Variants in HTR1F observed in about 807,000 individuals in gnomAD.
HTR1F encodes the protein 5-hydroxytryptamine receptor 1F, also known as 5-hydroxytryptamine (serotonin) receptor 1F, G protein-coupled.
In HTR1F, 17 loss-of-function variants were observed where a neutral mutation model predicts 24.0. The ratio of observed to expected loss-of-function variants is 0.71; its 90% CI spans 0.48 to 1.06. The LOEUF (loss-of-function observed/expected upper bound fraction) is 1.06, where lower values mean the gene tolerates loss of function less well. Among genes scored for constraint, HTR1F ranks in the 50% least tolerant of loss-of-function variants. HTR1F has a pLI of 0.00. For synonymous variants in HTR1F, 186 were observed against 156.8 expected (o/e 1.19, Z -1.39); for missense variants, 391 against 427.8 (o/e 0.91, Z 0.76).
chr3:87,866,742 C>A (rs1479688898), intron 2 of HTR1F, among the ~76,000 whole-genome samples: 1 of 151,404 alleles, frequency 6.6e-6, no homozygotes, highest in Non-Finnish European at 1.5e-5. Flanking sequence ...TTTCTCTTAA[C>A]GTAGTGATTT....
chr3:87,918,694 T>C (rs1442634283), intron 2 of HTR1F, among the ~76,000 whole-genome samples: 1 of 151,904 alleles, frequency 6.6e-6, no homozygotes, highest in Non-Finnish European at 1.5e-5. Context: ...AAAGGAAAAC[T>C]ACGAAACACT....
In HTR1F at chr3:87,993,120, T is replaced by G. The variant is rs1705871110; in HGVS notation, c.*1270T>G. 1 of 166,998 alleles carries G rather than the reference T, an allele frequency of 6.0e-6. No individual in the cohort carries two copies. The highest frequency in any genetic ancestry group is 1.9e-4 in the East Asian group (1 of 5,204). The allele number at this position is 166,998 out of a possible 1,614,324, so 10.3% of individuals were successfully genotyped here. ...AGACTACCTTTGGGAAGACCTATCA[T>G]CAACCAAGATCGTTTGAAAAACAAT... is the stretch of plus-strand genomic sequence containing the variant. On this transcript the variant is annotated 3_prime_UTR_variant, in exon 3 of 3. Coordinates refer to ENST00000319595, the MANE Select transcript of HTR1F (RefSeq NM_001322209.2).
At chr3:87,929,658 T>C (rs1439998091) in intron 2 of HTR1F, among the ~76,000 whole-genome samples, 1 of 152,180 alleles carries the variant, frequency 6.6e-6, no homozygotes, top group African/African-American at 2.4e-5. Flanking sequence ...CATTGGTCTA[T>C]GTGTCTGTTC....
At chr3:87,878,490 T>C (rs541138260) in intron 2 of HTR1F, among the ~76,000 whole-genome samples, 16 of 152,332 alleles carry the variant, frequency 1.1e-4, no homozygotes, top group Admixed American at 9.2e-4. Context: ...AATCAGACTC[T>C]TACTTTTGCT....
At chr3:87,894,558 T>TC (rs1174121497) in intron 2 of HTR1F, among the ~76,000 whole-genome samples, 38 of 125,458 alleles carry the variant, frequency 3.0e-4, no homozygotes, top group South Asian at 7.5e-4. Context: ...TTGCCCAGCC[T>TC]CTTTTTTTTT....
Position 87,882,192 on chromosome 3 carries a change from C to T in HTR1F, c.-43+60068C>T, listed in dbSNP as rs527765071. Reference sequence around the variant, plus strand: ...CTCACACCAGTTAGAATGGCAATCACTAAAAAGTCAGGAAACAACAGGTGC... The same window carrying T: ...CTCACACCAGTTAGAATGGCAATCATTAAAAAGTCAGGAAACAACAGGTGC... On this transcript the variant is annotated intron_variant, in intron 2 of 2. Transcript: ENST00000319595. 9.2e-5 allele frequency among the ~76,000 whole-genome samples: 14 copies of T among 152,114 alleles called. No individual in the cohort carries two copies. In the South Asian group the frequency reaches 1.5e-3, roughly 16 times the overall value.
intron 2 of HTR1F, among the ~76,000 whole-genome samples, chr3:87,831,814 T>G (rs1049596162): frequency 2.2e-4 from 33 of 152,346 alleles, no homozygotes; most frequent in African/African-American, 7.2e-4. Context: ...TCTGATTGGT[T>G]TACTCATTAA....
At chr3:87,896,350 G>C (rs1706199085) in intron 2 of HTR1F, among the ~76,000 whole-genome samples, 1 of 152,222 alleles carries the variant, frequency 6.6e-6, no homozygotes, top group Non-Finnish European at 1.5e-5. Flanking sequence ...TTTTGTCTGA[G>C]TGTCTAATGT....
chr3:87,817,352 T>C (rs116188285), intron 1 of HTR1F, among the ~76,000 whole-genome samples: 4,421 of 152,270 alleles, frequency 0.029, 109 homozygotes, highest in Non-Finnish European at 0.048. Context: ...GTGTGCAATA[T>C]ATCATTATAC....
intron 2 of HTR1F, among the ~76,000 whole-genome samples, chr3:87,971,183 A>G (rs1312951640): frequency 6.6e-6 from 1 of 152,216 alleles, no homozygotes; most frequent in Admixed American, 6.5e-5. Context: ...GGCCTCAAAT[A>G]AGATAAGGCA....
chr3:87,976,247 T>C (rs1197183854), intron 2 of HTR1F, among the ~76,000 whole-genome samples: 1 of 152,226 alleles, frequency 6.6e-6, no homozygotes, highest in Non-Finnish European at 1.5e-5. Flanking sequence ...TTTGTTCCAT[T>C]AATTACATTT....
chr3:87,935,858 ATT>A (rs370693153), intron 2 of HTR1F, among the ~76,000 whole-genome samples: 6 of 148,224 alleles, frequency 4.0e-5, no homozygotes, highest in East Asian at 3.9e-4. Flanking sequence ...CATTTTTAGG[ATT>A]TTTTTTTTTA....
At chr3:87,843,817 G>C (rs1245497298) in intron 2 of HTR1F, among the ~76,000 whole-genome samples, 2 of 151,586 alleles carry the variant, frequency 1.3e-5, no homozygotes, top group African/African-American at 4.9e-5. Context: ...TGAGAATGAT[G>C]GTTTCCAATT....
intron 2 of HTR1F, among the ~76,000 whole-genome samples, chr3:87,906,034 A>G (rs1703660503): frequency 6.6e-6 from 1 of 152,108 alleles, no homozygotes; most frequent in Non-Finnish European, 1.5e-5. Flanking sequence ...TGTTCACCTT[A>G]TAAGGATTAA....
At chr3:87,821,452 A>C (rs1364021252) in intron 1 of HTR1F, among the ~76,000 whole-genome samples, 2 of 152,192 alleles carry the variant, frequency 1.3e-5, no homozygotes, top group African/African-American at 4.8e-5. Flanking sequence ...CCCACAAAAC[A>C]TAGAAAGTAG....
At chr3:87,942,415 CA>C (rs1334709689) in intron 2 of HTR1F, among the ~76,000 whole-genome samples, 1 of 152,052 alleles carries the variant, frequency 6.6e-6, no homozygotes, top group East Asian at 1.9e-4. Context: ...CCTCAATGGT[CA>C]AGCATACCCG....
chr3:87,935,853 T>C (rs1207926142), intron 2 of HTR1F, among the ~76,000 whole-genome samples: 1 of 150,590 alleles, frequency 6.6e-6, no homozygotes, highest in Non-Finnish European at 1.5e-5. Flanking sequence ...CCCCACATTT[T>C]TAGGATTTTT....
chr3:87,936,687 G>A (rs1704428075), intron 2 of HTR1F, among the ~76,000 whole-genome samples: 1 of 152,060 alleles, frequency 6.6e-6, no homozygotes, highest in African/African-American at 2.4e-5. Context: ...TAATTTAGTT[G>A]ATTTCATACA....
At chr3:87,881,937 A>G (rs545946460) in intron 2 of HTR1F, among the ~76,000 whole-genome samples, 10 of 152,336 alleles carry the variant, frequency 6.6e-5, no homozygotes, top group Admixed American at 5.9e-4. Flanking sequence ...ACAAAATGGG[A>G]GAAAATTTTT....
Sources: gnomAD v4.1 joint callset for allele counts (sites outside exome capture counted in the v4.1 genomes callset) on GRCh38, gnomAD v4.1.1 for gene constraint, MANE v1.5 for transcripts, NCBI Gene and HGNC (gene_info 2026-07-23, HGNC 2026-07-21) for gene names.